The following CREB5 variants were observed in gnomAD, a reference collection of about 807,000 sequenced individuals.
CREB5 encodes the protein cAMP responsive element binding protein 5, also known as cyclic AMP-responsive element-binding protein 5.
CREB5 carries 19 observed loss-of-function variants against 57.1 expected under a neutral mutation model. The ratio of observed to expected loss-of-function variants is 0.33; its 90% CI spans 0.23 to 0.49. The LOEUF is 0.49. CREB5 is among the 20% of genes least tolerant of loss of function. The pLI is 0.99. For missense variants in CREB5, 579 were observed against 671.6 expected, an observed-to-expected ratio of 0.86 and a Z score of 1.52; for synonymous variants, 238 against 238.3, an observed-to-expected ratio of 1.00 and a Z score of 0.01.
intron 1 of CREB5, among the ~76,000 whole-genome samples, chr7:28,356,681 G>T (rs1395985906): frequency 2.0e-5 from 3 of 152,210 alleles, no homozygotes; most frequent in African/African-American, 2.4e-5. Flanking sequence ...GCCTAGGGCT[G>T]CTGTGGTACT....
At chr7:28,346,585 T>G (rs12374788) in intron 1 of CREB5, among the ~76,000 whole-genome samples, 17,657 of 152,282 alleles carry the variant, frequency 0.12, 1,274 homozygotes, top group Middle Eastern at 0.17. Context: ...ATGGGGAAAC[T>G]TGAGAGAACC....
At chr7:28,333,453 G>A (rs79698028) in intron 1 of CREB5, among the ~76,000 whole-genome samples, 4,518 of 151,910 alleles carry the variant, frequency 0.03, 132 homozygotes, top group Admixed American at 0.067. Flanking sequence ...CATTATTGAC[G>A]TAGTCACCTT....
chr7:28,823,381 C>T lies in CREB5; in HGVS notation c.*4102C>T, dbSNP rs1439827617. ...GTTATTTTTAAACATTCCATTTGAA[C>T]AGTATTCTGTAGGATCTACTTGTTT... On this transcript the variant is annotated 3_prime_UTR_variant, in exon 11 of 11. Coordinates refer to ENST00000357727, the MANE Select transcript of CREB5 (RefSeq NM_182898.4). 1.3e-5 allele frequency: 2 copies of T among 152,532 alleles called. No homozygotes were observed. Among genetic ancestry groups the T allele is most frequent in the Non-Finnish European group, 2.9e-5 (2 of 68,014 alleles). 9.4% of individuals were successfully genotyped at this position (152,532 alleles called of 1,614,324 possible). A position where few individuals can be genotyped will look rare whatever the true frequency, so the allele number is the denominator to read the frequency against.
chr7:28,773,704 T>C (rs955256318), intron 7 of CREB5, among the ~76,000 whole-genome samples: 4 of 152,202 alleles, frequency 2.6e-5, no homozygotes, highest in Admixed American at 6.5e-5. Context: ...CTGCTTTCCC[T>C]GTTTGGAATG....
intron 4 of CREB5, among the ~76,000 whole-genome samples, chr7:28,517,775 TAGTCAAAGCTATTGTTC>T (rs1375158759): frequency 1.4e-4 from 21 of 152,190 alleles, no homozygotes; most frequent in Non-Finnish European, 2.9e-5. Context: ...CTTTCTGGGA[TAGTCAAAGCTATTGTTC>T]AGTTTGTTAG....
intron 5 of CREB5, among the ~76,000 whole-genome samples, chr7:28,616,240 T>G (rs1449767268): frequency 6.6e-6 from 1 of 152,210 alleles, no homozygotes; most frequent in East Asian, 1.9e-4. Context: ...ATGGTTGGCT[T>G]GTTTTTCTCT....
chr7:28,517,125 G>A (rs1792996968), intron 4 of CREB5, among the ~76,000 whole-genome samples: 1 of 152,166 alleles, frequency 6.6e-6, no homozygotes, highest in African/African-American at 2.4e-5. Context: ...TGGAAAACTG[G>A]ACCAAATGAT....
intron 1 of CREB5, among the ~76,000 whole-genome samples, chr7:28,443,803 T>C (rs1789305106): frequency 6.6e-6 from 1 of 152,160 alleles, no homozygotes. Flanking sequence ...ACGATGATGA[T>C]GACTCTTTGG....
upstream of CREB5, chr7:28,409,825 C>A (rs1260743311): frequency 2.2e-6 from 1 of 450,948 alleles, no homozygotes; most frequent in Non-Finnish European, 4.4e-6. The surrounding 1 kb of genome is among the most constrained non-coding windows in gnomAD (Gnocchi z 4.4). Context: ...GGCGTGCGTG[C>A]GTGTGTGGGA....
chr7:28,608,540 TCTCCCTGC>T (rs1797258480), intron 5 of CREB5, among the ~76,000 whole-genome samples: 1 of 152,056 alleles, frequency 6.6e-6, no homozygotes, highest in Non-Finnish European at 1.5e-5. Flanking sequence ...TCAGTCCCAG[TCTCCCTGC>T]CTCCCTGGCT....
intron 1 of CREB5, among the ~76,000 whole-genome samples, chr7:28,333,924 G>A (rs1326622229): frequency 3.3e-5 from 5 of 152,158 alleles, no homozygotes; most frequent in Admixed American, 3.3e-4. Flanking sequence ...CAATAGACTT[G>A]CCAGATTATA....
At chr7:28,379,921 G>A (rs529163383) in intron 1 of CREB5, among the ~76,000 whole-genome samples, 10 of 152,200 alleles carry the variant, frequency 6.6e-5, no homozygotes, top group Admixed American at 2.0e-4. Flanking sequence ...TTTGTTTCTC[G>A]CTCTGTCACC....
intron 1 of CREB5, among the ~76,000 whole-genome samples, chr7:28,310,204 G>A (rs1406155161): frequency 2.6e-5 from 4 of 152,170 alleles, no homozygotes; most frequent in African/African-American, 9.7e-5. Context: ...GTAGTGGGGG[G>A]TGAGGCTGCA....
At chr7:28,432,357 A>G (rs1788754377) in intron 1 of CREB5, among the ~76,000 whole-genome samples, 1 of 152,216 alleles carries the variant, frequency 6.6e-6, no homozygotes, top group African/African-American at 2.4e-5. Flanking sequence ...TCAAACAAGC[A>G]GCAATCATTT....
At chr7:28,349,026 G>A (rs1786133982) in intron 1 of CREB5, among the ~76,000 whole-genome samples, 1 of 152,232 alleles carries the variant, frequency 6.6e-6, no homozygotes, top group Non-Finnish European at 1.5e-5. Flanking sequence ...AACGTTGCCA[G>A]GTGCAGGCTT....
At chr7:28,495,026 T>G (rs1239942105) in intron 3 of CREB5, 27 bp downstream of exon 3, 2 of 1,532,338 alleles carry the variant, frequency 1.3e-6, no homozygotes, top group Non-Finnish European at 1.8e-6. Context: ...AAAAGAAGCT[T>G]TGGGTGATCA....
intron 9 of CREB5, among the ~76,000 whole-genome samples, chr7:28,817,745 T>C (rs1809522131): frequency 6.6e-6 from 1 of 152,332 alleles, no homozygotes; most frequent in Non-Finnish European, 1.5e-5. Flanking sequence ...TCAGCTGGGT[T>C]ATGTAATCTA....
chr7:28,387,270 C>G (rs747664395), intron 1 of CREB5, among the ~76,000 whole-genome samples: 1 of 152,092 alleles, frequency 6.6e-6, no homozygotes, highest in Non-Finnish European at 1.5e-5. Flanking sequence ...AATAGCCATT[C>G]TAACTGGTGT....
intron 7 of CREB5, among the ~76,000 whole-genome samples, chr7:28,725,731 G>A (rs1348766261): frequency 6.6e-6 from 1 of 151,676 alleles, no homozygotes; most frequent in African/African-American, 2.4e-5. Context: ...AAAAATAAAT[G>A]TAAGTTCTTC....
Sources: allele counts gnomAD v4.1 joint callset (sites outside exome capture counted in the v4.1 genomes callset), GRCh38; gene constraint gnomAD v4.1.1; non-coding constraint Gnocchi (gnomAD v3.1); transcripts MANE v1.5; gene names NCBI Gene and HGNC (gene_info 2026-07-23, HGNC 2026-07-21).